SMAD9: variants seen among roughly 807,000 people sequenced by gnomAD.
SMAD9 encodes SMAD family member 9.
In SMAD9, 36 loss-of-function variants were observed where a neutral mutation model predicts 46.1. The ratio of observed to expected loss-of-function variants is 0.78; its 90% CI spans 0.60 to 1.03. SMAD9 has a LOEUF of 1.03. SMAD9 is among the 50% of genes least tolerant of loss of function. The pLI is 0.00. For synonymous variants in SMAD9, 245 were observed against 237.1 expected, an observed-to-expected ratio of 1.03 and a Z score of -0.31; for missense variants, 572 against 599.8, an observed-to-expected ratio of 0.95 and a Z score of 0.48.
chr13:36,879,673 G>C lies in SMAD9; in HGVS notation c.17C>G (p.Pro6Arg), dbSNP rs764161648. Residue 6 changes from proline to arginine, a missense_variant, in exon 2 of 7, where the codon CCC becomes CGC. Coordinates refer to ENST00000379826, the MANE Select transcript of SMAD9 (RefSeq NM_001127217.3). ...GGTGAAGGAGAAGAGGGAGCTGATG[G>C]GGGTGGTGGAGTGCATAAGAGGCCA... MHSTT[P>R]ISSLFSFTSP... 2 of 1,614,160 alleles carry C rather than the reference G, an allele frequency of 1.2e-6. No individual in the cohort carries two copies. The highest frequency in any genetic ancestry group is 1.7e-5 in the Admixed American group (1 of 60,028).
Position 36,879,674 on chromosome 13 carries a change from G to T in SMAD9, c.16C>A (p.Pro6Thr), listed in dbSNP as rs1156407688. 1 of 1,614,182 alleles carries T rather than the reference G, an allele frequency of 6.2e-7. No homozygotes were observed. ...GTGAAGGAGAAGAGGGAGCTGATGG[G>T]GGTGGTGGAGTGCATAAGAGGCCAC... MHSTT[P>T]ISSLFSFTSP... The change falls in exon 2 of 7, where the codon CCC (proline) becomes ACC (threonine). Residue 6 changes from proline (P) to threonine (T), a missense_variant. Coordinates refer to ENST00000379826, the MANE Select transcript of SMAD9 (RefSeq NM_001127217.3).
chr13:36,901,334 CTT>C (rs2058573961), intron 1 of SMAD9, among the ~76,000 whole-genome samples: 1 of 152,000 alleles, frequency 6.6e-6, no homozygotes, highest in Non-Finnish European at 1.5e-5. Context: ...CTCACTGACA[CTT>C]GTTATTTTTC....
intron 1 of SMAD9, among the ~76,000 whole-genome samples, chr13:36,882,737 T>A (rs929487904): frequency 2.6e-5 from 4 of 152,204 alleles, no homozygotes; most frequent in Non-Finnish European, 5.9e-5. Context: ...GGTATACAGA[T>A]GTTCAAAATA....
In SMAD9 at chr13:36,847,867, G is replaced by C. The variant is rs1593541084; in HGVS notation, c.*809C>G. ...CAGGACTGCCTGACACGAACAACCA[G>C]CACGACAGGAACCTGGTCTCCTCTG... is the stretch of plus-strand genomic sequence containing the variant. On this transcript the variant is annotated 3_prime_UTR_variant, in exon 7 of 7. Transcript: ENST00000379826. The C allele has an allele frequency of 6.6e-6, 1 of 152,372 alleles. No homozygotes were observed. 9.4% of individuals were successfully genotyped at this position (152,372 alleles called of 1,614,324 possible). A position where few individuals can be genotyped will look rare whatever the true frequency, so the allele number is the denominator to read the frequency against.
At chr13:36,914,029 T>C (rs903711972) in intron 1 of SMAD9, among the ~76,000 whole-genome samples, 2 of 152,234 alleles carry the variant, frequency 1.3e-5, no homozygotes, top group African/African-American at 4.8e-5. Flanking sequence ...AACAATGTCA[T>C]GAGTGCTAAT....
chr13:36,906,484 C>G (rs539084605), intron 1 of SMAD9, among the ~76,000 whole-genome samples: 11 of 152,006 alleles, frequency 7.2e-5, no homozygotes, highest in African/African-American at 2.7e-4. Flanking sequence ...ATCTCATCAC[C>G]AGGAAATTGA....
intron 1 of SMAD9, among the ~76,000 whole-genome samples, chr13:36,886,587 CAT>C (rs2058446908): frequency 1.3e-5 from 2 of 152,398 alleles, no homozygotes; most frequent in East Asian, 3.9e-4. Context: ...GAATGCCTAT[CAT>C]GTGTCAGGCC....
At chr13:36,898,798 C>T (rs1403208505) in intron 1 of SMAD9, among the ~76,000 whole-genome samples, 1 of 152,106 alleles carries the variant, frequency 6.6e-6, no homozygotes, top group East Asian at 1.9e-4. Context: ...TAACTACAAC[C>T]TATAGCTAAC....
intron 1 of SMAD9, among the ~76,000 whole-genome samples, chr13:36,900,906 C>G (rs977767538): frequency 6.6e-6 from 1 of 151,760 alleles, no homozygotes; most frequent in African/African-American, 2.4e-5. Context: ...AAATAGAACC[C>G]TATACACATT....
At chr13:36,920,460 C>T (rs1263568746), upstream of SMAD9, among the ~76,000 whole-genome samples, 1 of 151,824 alleles carries the variant, frequency 6.6e-6, no homozygotes, top group Non-Finnish European at 1.5e-5. Flanking sequence ...GTACTCCTCG[C>T]AGCGGCCTGC....
In SMAD9 at chr13:36,872,898, C is replaced by A. The variant is rs370508752; in HGVS notation, c.430G>T (p.Val144Leu). The A allele has an allele frequency of 5.6e-5, 90 of 1,613,900 alleles. No individual in the cohort carries two copies. In the African/African-American group the frequency reaches 1.1e-3, roughly 20 times the overall value. ...GGGTTATATTCACTGTGTCTTGGCA[C>A]GAGCACAGGAGGCAGTACTAGGATC... is the stretch of plus-strand genomic sequence containing the variant. ...VETPVLPPVL[V>L]PRHSEYNPQL... The change falls in exon 3 of 7, where the codon GTG becomes TTG. Residue 144 changes from valine to leucine, a missense_variant. Transcript: ENST00000379826.
intron 1 of SMAD9, among the ~76,000 whole-genome samples, chr13:36,903,605 T>C (rs1261957827): frequency 6.6e-6 from 1 of 152,232 alleles, no homozygotes; most frequent in Non-Finnish European, 1.5e-5. Flanking sequence ...CAATGAATTG[T>C]TTTCTTTGAA....
At chr13:36,891,296 A>G (rs1049604452) in intron 1 of SMAD9, among the ~76,000 whole-genome samples, 2 of 152,206 alleles carry the variant, frequency 1.3e-5, no homozygotes, top group African/African-American at 4.8e-5. Flanking sequence ...ACAAGTATTT[A>G]TTGAGACTCT....
At chr13:36,919,218 G>T (rs568413923) in intron 1 of SMAD9, among the ~76,000 whole-genome samples, 1 of 152,194 alleles carries the variant, frequency 6.6e-6, no homozygotes, top group African/African-American at 2.4e-5. Flanking sequence ...AAGGGCAGGA[G>T]GAGGAAGGAA....
intron 1 of SMAD9, among the ~76,000 whole-genome samples, chr13:36,898,511 C>T (rs548280777): frequency 6.6e-6 from 1 of 152,058 alleles, no homozygotes; most frequent in Admixed American, 6.6e-5. Flanking sequence ...ACATCCTTAA[C>T]AAAATATTAG....
intron 4 of SMAD9, among the ~76,000 whole-genome samples, chr13:36,866,030 C>T (rs1270757002): frequency 2.0e-5 from 3 of 152,028 alleles, no homozygotes; most frequent in Non-Finnish European, 4.4e-5. Context: ...CATGAAGGGG[C>T]CAGGGAAAAC....
intron 1 of SMAD9, among the ~76,000 whole-genome samples, chr13:36,888,479 C>G (rs1400781319): frequency 6.6e-6 from 1 of 152,190 alleles, no homozygotes; most frequent in Non-Finnish European, 1.5e-5. Context: ...CAGGCTGTTT[C>G]TTTATAGCAG....
chr13:36,920,318 G>GCCCCCGCCCCCT, upstream of SMAD9: 1 of 149,540 alleles, frequency 6.7e-6, no homozygotes, highest in South Asian at 2.0e-4. Flanking sequence ...GCCCGCCCCC[G>GCCCCCGCCCCCT]CCCGCCGCCG....
At position 36,857,666 on chromosome 13, in the gene SMAD9, A is replaced by T. The variant is rs543541422; in HGVS notation, c.1004-3991T>A. Among the ~76,000 whole-genome samples, 12 of 152,262 alleles carry T rather than the reference A, an allele frequency of 7.9e-5. No homozygotes were observed. In the East Asian group the frequency reaches 9.7e-4, roughly 12 times the overall value. On this transcript the variant is annotated intron_variant, in intron 5 of 6. Coordinates refer to ENST00000379826, the MANE Select transcript of SMAD9 (RefSeq NM_001127217.3). ...AGGGCAGGTTGGGCAGGCTGGTGAG[A>T]GTGTGCCAATCTCTGGAACCTACTA...
Sources: allele counts gnomAD v4.1 joint callset (sites outside exome capture counted in the v4.1 genomes callset), GRCh38; gene constraint gnomAD v4.1.1; transcripts MANE v1.5; gene names NCBI Gene and HGNC (gene_info 2026-07-23, HGNC 2026-07-21).